The following ZFP1 variants were observed in gnomAD, a reference collection of about 807,000 sequenced individuals.
ZFP1 encodes the protein zinc finger protein 1 homolog.
In ZFP1, 32 loss-of-function variants were observed where a neutral mutation model predicts 38.5. The observed-to-expected ratio is 0.83, with a 90% CI of 0.63 to 1.12. ZFP1 has a LOEUF of 1.12. Among genes scored for constraint, ZFP1 ranks in the 50% most tolerant of loss-of-function variants. The probability of loss-of-function intolerance (pLI) is 0.00; values close to 1 mark genes in which losing one functional copy is unlikely to be tolerated. For synonymous variants in ZFP1, 245 were observed against 168.8 expected (o/e 1.45, Z -3.50); for missense variants, 616 against 480.8 (o/e 1.28, Z -2.63).
At chr16:75,139,542 AT>A in the ZFP1 span, among the ~76,000 whole-genome samples, 1 of 151,834 alleles carries the variant, frequency 6.6e-6, no homozygotes, top group Non-Finnish European at 1.5e-5. Flanking sequence ...AAATAAACAA[AT>A]AAGTTGGGCA....
At chr16:75,137,485 C>G in the ZFP1 span, among the ~76,000 whole-genome samples, 1 of 15,124 alleles carries the variant, frequency 6.6e-5, no homozygotes, top group Non-Finnish European at 2.0e-4. Context: ...TTTTTTGAGA[C>G]CAAGTCTCGC....
chr16:75,132,934 C>CA, the ZFP1 span, among the ~76,000 whole-genome samples: 1 of 150,416 alleles, frequency 6.6e-6, no homozygotes. Flanking sequence ...TGCTTGATTA[C>CA]AGGCATGAGC....
chr16:75,134,968 C>T, the ZFP1 span, among the ~76,000 whole-genome samples: 2 of 151,558 alleles, frequency 1.3e-5, no homozygotes, highest in Admixed American at 6.6e-5. Context: ...GCAGGAGAGT[C>T]GCTTGAACCC....
At chr16:75,122,520 T>G in the ZFP1 span, among the ~76,000 whole-genome samples, 5 of 152,312 alleles carry the variant, frequency 3.3e-5, no homozygotes, top group African/African-American at 1.2e-4. Context: ...AACTTTAAAA[T>G]GGAGAATCAA....
the ZFP1 span, among the ~76,000 whole-genome samples, chr16:75,123,082 A>G: frequency 6.6e-6 from 1 of 152,096 alleles, no homozygotes; most frequent in African/African-American, 2.4e-5. Context: ...GGCCAAGTGC[A>G]GTGGCTCACA....
intron 3 of ZFP1, among the ~76,000 whole-genome samples, chr16:75,167,630 C>T (rs932012319): frequency 6.6e-6 from 1 of 152,086 alleles, no homozygotes; most frequent in East Asian, 1.9e-4. Flanking sequence ...GACAGGGTCT[C>T]ATTCTGTCAC....
intron 2 of ZFP1, 82 bp downstream of exon 2, chr16:75,153,048 G>A (rs959585941): frequency 1.9e-6 from 3 of 1,551,094 alleles, no homozygotes; most frequent in East Asian, 4.6e-5. Context: ...AAATAGAAAA[G>A]TATGAATAAG....
the ZFP1 span, among the ~76,000 whole-genome samples, chr16:75,123,916 C>A: frequency 1.5e-5 from 2 of 133,676 alleles, no homozygotes; most frequent in Non-Finnish European, 3.1e-5. Flanking sequence ...ACGGTGAAAC[C>A]CTGTCTCTAC....
chr16:75,160,215 A>C (rs1354227258), intron 2 of ZFP1, among the ~76,000 whole-genome samples: 1 of 152,170 alleles, frequency 6.6e-6, no homozygotes, highest in East Asian at 1.9e-4. Context: ...AATACTTGAG[A>C]CTAGGTAATT....
chr16:75,163,359 T>C (rs2037888031), intron 2 of ZFP1, among the ~76,000 whole-genome samples: 1 of 151,936 alleles, frequency 6.6e-6, no homozygotes, highest in African/African-American at 2.4e-5. Flanking sequence ...GGCTAGAGTG[T>C]AGTAGTGTAG....
chr16:75,143,647 CTTTTTTTTT>C (rs386385080), upstream of ZFP1, among the ~76,000 whole-genome samples: 1 of 93,794 alleles, frequency 1.1e-5, no homozygotes, highest in Non-Finnish European at 1.9e-5. Context: ...GGAGGTGAAT[CTTTTTTTTT>C]TTTTTTTTTT....
intron 2 of ZFP1, among the ~76,000 whole-genome samples, chr16:75,165,069 T>C (rs1254891992): frequency 6.6e-6 from 1 of 152,046 alleles, no homozygotes; most frequent in East Asian, 1.9e-4. Context: ...CCTCCCAAAG[T>C]GCTGGGATTA....
chr16:75,147,735 C>G (rs546862238), upstream of ZFP1, among the ~76,000 whole-genome samples: 2 of 152,148 alleles, frequency 1.3e-5, no homozygotes, highest in African/African-American at 4.8e-5. Flanking sequence ...TGCTGTGAAC[C>G]TAAAACTGTT....
At chr16:75,166,745 G>T (rs776203200) in intron 2 of ZFP1, 25 bp from the exon 3 acceptor site, 39 of 1,613,960 alleles carry the variant, frequency 2.4e-5, no homozygotes, top group Non-Finnish European at 2.0e-5. Flanking sequence ...ATCATCTTAG[G>T]ATGAATAACA....
Position 75,169,476 on chromosome 16 carries a change from T to G in ZFP1, c.366T>G (p.Ser122Arg). Residue 122 changes from serine to arginine, a missense_variant, in exon 4 of 4, where the codon AGT (serine) becomes AGG (arginine). Transcript: ENST00000570010. Reference protein sequence around the residue: ...TLKYNSDLLNSNRSYAGKQTD... With the variant: ...TLKYNSDLLNRNRSYAGKQTD... ...AATATAATTCAGACTTGCTTAATAG[T>G]AATAGAAGCTATGCAGGAAAGCAGA... is the stretch of plus-strand genomic sequence containing the variant. 1 of 1,612,928 alleles carries G rather than the reference T, an allele frequency of 6.2e-7. No homozygotes were observed. Among genetic ancestry groups the G allele is most frequent in the Non-Finnish European group, 8.5e-7 (1 of 1,179,798 alleles).
chr16:75,130,624 G>A, the ZFP1 span, among the ~76,000 whole-genome samples: 3 of 152,160 alleles, frequency 2.0e-5, no homozygotes, highest in Non-Finnish European at 4.4e-5. Flanking sequence ...TTGGGAAACT[G>A]CCTTTCCCTG....
Position 75,169,366 on chromosome 16 carries a change from T to C in ZFP1, c.256T>C (p.Phe86Leu). 6.2e-7 allele frequency: 1 copy of C among 1,614,170 alleles called. No homozygotes were observed. The highest frequency in any genetic ancestry group is 1.1e-5 in the South Asian group (1 of 91,076). The change falls in exon 4 of 4, where the codon TTT becomes CTT. Residue 86 changes from phenylalanine to leucine, a missense_variant. Transcript: ENST00000570010. ...CCCAATTGAGGAAAGAGGCGATCTC[T>C]TTGGAAAAGCACTTAATCTGAACAC... Reference protein sequence around the residue: ...QTPIEERGDLFGKALNLNTDF... With the variant: ...QTPIEERGDLLGKALNLNTDF...
At chr16:75,158,981 C>G (rs1044071445) in intron 2 of ZFP1, among the ~76,000 whole-genome samples, 1 of 149,804 alleles carries the variant, frequency 6.7e-6, no homozygotes, top group Admixed American at 6.7e-5. Flanking sequence ...ACTGCAACCT[C>G]TGCCTCCCAG....
At chr16:75,131,077 G>A in the ZFP1 span, among the ~76,000 whole-genome samples, 140,030 of 152,164 alleles carry the variant, frequency 0.92, 64,552 homozygotes, top group African/African-American at 0.94. Flanking sequence ...GTCCCTGTGG[G>A]CCTCAAGCTC....
Sources: gnomAD v4.1 joint callset for allele counts (sites outside exome capture counted in the v4.1 genomes callset) on GRCh38, gnomAD v4.1.1 for gene constraint, MANE v1.5 for transcripts, NCBI Gene and HGNC (gene_info 2026-07-23, HGNC 2026-07-21) for gene names.